Variants in TSPEAR observed in about 807,000 individuals in gnomAD.
TSPEAR encodes the protein thrombospondin type laminin G domain and EAR repeats, also known as thrombospondin-type laminin G domain and EAR repeat-containing protein.
Under a neutral mutation model 71.6 loss-of-function variants are expected in TSPEAR, and 69 were observed. The observed-to-expected ratio is 0.96, with a 90% CI of 0.79 to 1.18. The LOEUF is 1.18. Ranked by LOEUF, TSPEAR falls within the 50% of genes most tolerant of loss-of-function variation. The probability of loss-of-function intolerance (pLI) is 0.00; values close to 1 mark genes in which losing one functional copy is unlikely to be tolerated. For missense variants in TSPEAR, 971 were observed against 894.9 expected, an observed-to-expected ratio of 1.09 and a Z score of -1.09; for synonymous variants, 402 against 387.2, an observed-to-expected ratio of 1.04 and a Z score of -0.45.
chr21:44,697,393 A>G (rs202209394), intron 1 of TSPEAR: 5 of 1,613,504 alleles, frequency 3.1e-6, no homozygotes, highest in African/African-American at 1.3e-5. Flanking sequence ...CCTGCTGCCG[A>G]GTGACCTGTG....
intron 2 of TSPEAR, chr21:44,550,988 C>T (rs1555918663): frequency 6.2e-7 from 1 of 1,602,382 alleles, no homozygotes; most frequent in Non-Finnish European, 8.5e-7. Flanking sequence ...AAGAGGATGA[C>T]TCAGAGCAGG....
chr21:44,535,917 AG>A (rs2053083188), intron 2 of TSPEAR, among the ~76,000 whole-genome samples: 6 of 137,742 alleles, frequency 4.4e-5, no homozygotes, highest in African/African-American at 1.8e-4. Context: ...AAAGGAAAAA[AG>A]AAAAAAAAAA....
At chr21:44,620,535 C>T (rs782430454) in intron 1 of TSPEAR, among the ~76,000 whole-genome samples, 9 of 152,214 alleles carry the variant, frequency 5.9e-5, no homozygotes, top group East Asian at 5.8e-4. Flanking sequence ...TTTTCATTTA[C>T]GATTTTAGTT....
chr21:44,674,784 GTA>G (rs1569252605), intron 1 of TSPEAR, among the ~76,000 whole-genome samples: 1 of 126,320 alleles, frequency 7.9e-6, no homozygotes, highest in Admixed American at 8.2e-5. Context: ...GTGTGTGTGT[GTA>G]TAACATTACC....
chr21:44,620,106 G>A (rs587703846), intron 1 of TSPEAR, among the ~76,000 whole-genome samples: 77 of 152,320 alleles, frequency 5.1e-4, no homozygotes, highest in African/African-American at 1.6e-3. Flanking sequence ...GACTAACAGC[G>A]GATTTCTCAT....
chr21:44,610,079 A>T (rs1981558553), intron 1 of TSPEAR, among the ~76,000 whole-genome samples: 1 of 152,232 alleles, frequency 6.6e-6, no homozygotes, highest in Non-Finnish European at 1.5e-5. Flanking sequence ...GGGGTGTTAA[A>T]GGCATTCAGT....
rs377734716 is a variant in TSPEAR, at chr21:44,504,923, C to T, written c.1755-42G>A. 2.0e-5 allele frequency: 31 copies of T among 1,513,504 alleles called. 1 individual carries two copies. The highest frequency in any genetic ancestry group is 9.0e-5 in the East Asian group (4 of 44,428). 93.8% of individuals were successfully genotyped at this position (1,513,504 alleles called of 1,614,324 possible). ...GTGGATATTAGGACACAACAGACAT[C>T]GCCAGGGAACTGGGGGATTGGCCAG... On this transcript the variant is annotated intron_variant, in intron 10 of 11. Coordinates refer to ENST00000323084, the MANE Select transcript of TSPEAR (RefSeq NM_144991.3).
chr21:44,614,779 G>A (rs1981962996), intron 1 of TSPEAR, among the ~76,000 whole-genome samples: 1 of 152,334 alleles, frequency 6.6e-6, no homozygotes, highest in Middle Eastern at 3.4e-3. Context: ...CAGAAAACCA[G>A]TGAAAAAGGA....
Position 44,592,886 on chromosome 21 carries a change from C to T in TSPEAR, c.83-24881G>A, listed in dbSNP as rs182836764. Among the ~76,000 whole-genome samples the T allele has an allele frequency of 3.9e-5, 6 of 152,306 alleles. No homozygotes were observed. In the East Asian group the frequency reaches 7.7e-4, roughly 20 times the overall value. ...AAACCCCTCATCCAGCGTGGTCCTT[C>T]CCCCATCACCGGACACAGGACTGTG... is the stretch of plus-strand genomic sequence containing the variant. On this transcript the variant is annotated intron_variant, in intron 1 of 11. Coordinates refer to ENST00000323084, the MANE Select transcript of TSPEAR (RefSeq NM_144991.3).
intron 2 of TSPEAR, chr21:44,539,006 G>A (rs1446707612): frequency 3.6e-6 from 2 of 562,180 alleles, no homozygotes; most frequent in Non-Finnish European, 6.3e-6. Context: ...GAGTTTATTG[G>A]GGAGCAGGAG....
intron 1 of TSPEAR, among the ~76,000 whole-genome samples, chr21:44,629,691 T>G (rs1555935356): frequency 6.6e-6 from 1 of 152,084 alleles, no homozygotes; most frequent in African/African-American, 2.4e-5. Flanking sequence ...GCGATGGACA[T>G]TTGGACAGAG....
intron 1 of TSPEAR, among the ~76,000 whole-genome samples, chr21:44,694,459 G>C (rs1259474207): frequency 6.6e-6 from 1 of 152,144 alleles, no homozygotes; most frequent in Non-Finnish European, 1.5e-5. Flanking sequence ...GTTTCAGTTC[G>C]GGAAGAAGAA....
intron 2 of TSPEAR, among the ~76,000 whole-genome samples, chr21:44,553,839 TGTCCCAC>T (rs1477679197): frequency 7.9e-5 from 12 of 152,246 alleles, no homozygotes; most frequent in African/African-American, 2.9e-4. Flanking sequence ...CTCAGACCCC[TGTCCCAC>T]TAACCAGGGT....
intron 1 of TSPEAR, chr21:44,627,071 G>C: frequency 6.5e-7 from 1 of 1,536,400 alleles, no homozygotes; most frequent in Non-Finnish European, 8.8e-7. Flanking sequence ...GGGTATAAAA[G>C]CCTGAGAGCC....
At position 44,697,895 on chromosome 21, in the gene TSPEAR, G is replaced by A. The variant is rs200760388; in HGVS notation, c.82+13538C>T. 23 of 1,602,860 alleles carry A rather than the reference G, an allele frequency of 1.4e-5. No homozygotes were observed. The highest frequency in any genetic ancestry group is 1.7e-4 in the Middle Eastern group (1 of 6,026). Reference sequence around the variant, plus strand: ...AAGCTGCGGCCGCCTGGCCTCCTGCGGGTCCCTCCTCTGCCGCCCCACATG... The same window carrying A: ...AAGCTGCGGCCGCCTGGCCTCCTGCAGGTCCCTCCTCTGCCGCCCCACATG... On this transcript the variant is annotated intron_variant, in intron 1 of 11. Transcript: ENST00000323084.
At chr21:44,638,843 T>C (rs1317224894) in intron 1 of TSPEAR, among the ~76,000 whole-genome samples, 1 of 151,722 alleles carries the variant, frequency 6.6e-6, no homozygotes, top group Non-Finnish European at 1.5e-5. Flanking sequence ...CCCCCAGGCC[T>C]GGGGTAGACC....
At chr21:44,534,240 G>A (rs1159318802) in intron 2 of TSPEAR, among the ~76,000 whole-genome samples, 1 of 21,044 alleles carries the variant, frequency 4.8e-5, no homozygotes, top group African/African-American at 3.0e-4. Flanking sequence ...GTGAGGGGGC[G>A]GGGCTGGTGT....
At chr21:44,630,448 G>T (rs1983190484) in intron 1 of TSPEAR, among the ~76,000 whole-genome samples, 1 of 152,222 alleles carries the variant, frequency 6.6e-6, no homozygotes, top group Non-Finnish European at 1.5e-5. Flanking sequence ...CTGGGAGGAA[G>T]AGCTGAGAAA....
At chr21:44,706,673 G>T (rs1220461145) in intron 1 of TSPEAR, among the ~76,000 whole-genome samples, 3 of 152,224 alleles carry the variant, frequency 2.0e-5, no homozygotes, top group African/African-American at 7.2e-5. Flanking sequence ...GGGCCTCAGG[G>T]GTCGCCCCGC....
Sources: gnomAD v4.1 joint callset for allele counts (sites outside exome capture counted in the v4.1 genomes callset) on GRCh38, gnomAD v4.1.1 for gene constraint, MANE v1.5 for transcripts, NCBI Gene and HGNC (gene_info 2026-07-23, HGNC 2026-07-21) for gene names.